NSMCE2: variants seen among roughly 807,000 people sequenced by gnomAD.
NSMCE2 encodes E3 SUMO-protein ligase NSE2.
NSMCE2 carries 24 observed loss-of-function variants against 23.8 expected under a neutral mutation model. The observed-to-expected ratio is 1.01, with a 90% CI of 0.73 to 1.42. NSMCE2 has a LOEUF of 1.42. Ranked by LOEUF, NSMCE2 falls within the 40% of genes most tolerant of loss-of-function variation. NSMCE2 has a pLI of 0.00. For synonymous variants in NSMCE2, 92 were observed against 94.1 expected, an observed-to-expected ratio of 0.98 and a Z score of 0.13; for missense variants, 284 against 296.5, an observed-to-expected ratio of 0.96 and a Z score of 0.31.
intron 3 of NSMCE2, among the ~76,000 whole-genome samples, chr8:125,120,002 GAAGA>G (rs1246929075): frequency 2.0e-5 from 3 of 152,070 alleles, no homozygotes; most frequent in African/African-American, 7.2e-5. Context: ...CAAAAAGTAA[GAAGA>G]AAGAGGAAAG....
chr8:125,198,253 C>CTTA (rs1823714166), intron 5 of NSMCE2, among the ~76,000 whole-genome samples: 2 of 152,134 alleles, frequency 1.3e-5, no homozygotes, highest in Non-Finnish European at 2.9e-5. Flanking sequence ...AGAGGGCAGC[C>CTTA]TTATCTTGTG....
At chr8:125,140,266 A>G (rs1820292671) in intron 3 of NSMCE2, among the ~76,000 whole-genome samples, 1 of 152,242 alleles carries the variant, frequency 6.6e-6, no homozygotes, top group South Asian at 2.1e-4. Context: ...GGAATATTGC[A>G]AAGTACAGTT....
Position 125,250,059 on chromosome 8 carries a change from G to A in NSMCE2, c.418+67803G>A, listed in dbSNP as rs1271936465. On this transcript the variant is annotated intron_variant, in intron 5 of 7. Coordinates refer to ENST00000287437, the MANE Select transcript of NSMCE2 (RefSeq NM_173685.4). ...GGCTGGAGTGCAATGGCGCAATCTC[G>A]GCTCACTGCAACCTCCGTCTCCTGG... 2.6e-5 allele frequency among the ~76,000 whole-genome samples: 4 copies of A among 152,006 alleles called. 1 individual carries two copies. The highest frequency in any genetic ancestry group is 4.2e-4 in the South Asian group (2 of 4,812).
At chr8:125,130,333 G>C (rs1325657969) in intron 3 of NSMCE2, 1 of 449,708 alleles carries the variant, frequency 2.2e-6, no homozygotes, top group Non-Finnish European at 4.5e-6. Context: ...AGTAGTGTTT[G>C]TCAAGTTTCT....
intron 3 of NSMCE2, among the ~76,000 whole-genome samples, chr8:125,121,935 C>G (rs1028354064): frequency 1.3e-5 from 2 of 151,768 alleles, no homozygotes; most frequent in South Asian, 4.2e-4. Flanking sequence ...TAATTATTTA[C>G]TCCTTACATA....
intron 5 of NSMCE2, among the ~76,000 whole-genome samples, chr8:125,257,830 G>A (rs924943163): frequency 1.1e-4 from 16 of 151,898 alleles, no homozygotes; most frequent in African/African-American, 2.7e-4. Context: ...CACCGTGCCC[G>A]GCCAGACAAA....
intron 5 of NSMCE2, among the ~76,000 whole-genome samples, chr8:125,289,530 G>A (rs1436390806): frequency 3.9e-5 from 6 of 152,152 alleles, no homozygotes; most frequent in Admixed American, 3.9e-4. Context: ...GTTATCAAAG[G>A]GTTTCCTGTT....
chr8:125,311,916 A>C lies in NSMCE2; in HGVS notation c.419-45303A>C, dbSNP rs867604912. ...CAACATGGTCTCTACTAAAAATACAAAATTAGCCAGGCATGGTGGCGCATG... is the reference window on the plus strand; with the variant it reads ...CAACATGGTCTCTACTAAAAATACACAATTAGCCAGGCATGGTGGCGCATG... On this transcript the variant is annotated intron_variant, in intron 5 of 7. Transcript: ENST00000287437. Among the ~76,000 whole-genome samples, 10 of 152,020 alleles carry C rather than the reference A, an allele frequency of 6.6e-5. 1 individual carries two copies. In the South Asian group the frequency reaches 1.2e-3, roughly 19 times the overall value.
chr8:125,311,221 A>G (rs1054842945), intron 5 of NSMCE2, among the ~76,000 whole-genome samples: 104 of 152,336 alleles, frequency 6.8e-4, no homozygotes, highest in African/African-American at 2.5e-3. Context: ...CTTTTACCAA[A>G]GAATAGAAAC....
chr8:125,276,313 A>T (rs1827448345), intron 5 of NSMCE2, among the ~76,000 whole-genome samples: 1 of 152,122 alleles, frequency 6.6e-6, no homozygotes, highest in South Asian at 2.1e-4. Context: ...ATTTGCTTCC[A>T]ACTTGCTGTT....
chr8:125,128,682 T>A (rs1819621867), intron 3 of NSMCE2, among the ~76,000 whole-genome samples: 1 of 152,202 alleles, frequency 6.6e-6, no homozygotes, highest in African/African-American at 2.4e-5. Flanking sequence ...AAAATCATTG[T>A]CTTGCCTTTT....
intron 5 of NSMCE2, among the ~76,000 whole-genome samples, chr8:125,333,960 G>GC (rs1331271998): frequency 3.3e-5 from 5 of 152,094 alleles, no homozygotes; most frequent in African/African-American, 1.2e-4. Context: ...CAGAGCTCAG[G>GC]TCACCCTCAC....
At chr8:125,333,669 T>A (rs1829967055) in intron 5 of NSMCE2, among the ~76,000 whole-genome samples, 1 of 151,214 alleles carries the variant, frequency 6.6e-6, no homozygotes, top group Non-Finnish European at 1.5e-5. Flanking sequence ...CGCCCGCCAC[T>A]ACGCCCGGCT....
intron 5 of NSMCE2, among the ~76,000 whole-genome samples, chr8:125,304,380 G>A (rs1828673592): frequency 6.6e-6 from 1 of 152,132 alleles, no homozygotes; most frequent in Non-Finnish European, 1.5e-5. Flanking sequence ...GCAGAGGAGT[G>A]ACGTGATCCA....
intron 4 of NSMCE2, among the ~76,000 whole-genome samples, chr8:125,172,761 C>T (rs1441604926): frequency 6.6e-6 from 1 of 152,216 alleles, no homozygotes; most frequent in Non-Finnish European, 1.5e-5. Context: ...TTAGTCTTAG[C>T]TTTTGCTATT....
At chr8:125,361,572 A>T (rs1180432521) in intron 7 of NSMCE2, among the ~76,000 whole-genome samples, 1 of 152,194 alleles carries the variant, frequency 6.6e-6, no homozygotes, top group Non-Finnish European at 1.5e-5. Context: ...GTAAAGTGGA[A>T]ATAACATCAG....
At chr8:125,254,625 G>A (rs1273650649) in intron 5 of NSMCE2, among the ~76,000 whole-genome samples, 1 of 151,232 alleles carries the variant, frequency 6.6e-6, no homozygotes, top group Non-Finnish European at 1.5e-5. Flanking sequence ...TTTAATAAAG[G>A]ACTATAATTT....
chr8:125,096,299 G>A (rs958947201), intron 1 of NSMCE2, among the ~76,000 whole-genome samples: 4 of 152,164 alleles, frequency 2.6e-5, no homozygotes, highest in Non-Finnish European at 5.9e-5. Context: ...CATGTAACCG[G>A]GTTGAAGAGG....
intron 7 of NSMCE2, among the ~76,000 whole-genome samples, chr8:125,362,497 G>T (rs902380440): frequency 3.3e-5 from 5 of 152,186 alleles, no homozygotes; most frequent in Non-Finnish European, 5.9e-5. Flanking sequence ...GTGGACTAGG[G>T]CAGGGACTGG....
Sources: allele counts gnomAD v4.1 joint callset (sites outside exome capture counted in the v4.1 genomes callset), GRCh38; gene constraint gnomAD v4.1.1; transcripts MANE v1.5; gene names NCBI Gene and HGNC (gene_info 2026-07-23, HGNC 2026-07-21).